SLC24A2: variants seen among roughly 807,000 people sequenced by gnomAD.
SLC24A2 encodes the protein sodium/potassium/calcium exchanger 2.
Under a neutral mutation model 62.0 loss-of-function variants are expected in SLC24A2, and 36 were observed. The observed-to-expected ratio is 0.58, with a 90% CI of 0.44 to 0.77. The LOEUF (loss-of-function observed/expected upper bound fraction) is 0.77. Among genes scored for constraint, SLC24A2 ranks in the 30% least tolerant of loss-of-function variants. SLC24A2 has a pLI of 0.00. For missense variants in SLC24A2, 846 were observed against 817.9 expected, an observed-to-expected ratio of 1.03 and a Z score of -0.42; for synonymous variants, 358 against 294.0, an observed-to-expected ratio of 1.22 and a Z score of -2.23.
chr9:20,188,868 A>T, the SLC24A2 span, among the ~76,000 whole-genome samples: 3 of 152,206 alleles, frequency 2.0e-5, no homozygotes, highest in African/African-American at 7.2e-5. Flanking sequence ...CAGAAATGTA[A>T]CAGGAAAAAT....
chr9:20,200,742 A>G, the SLC24A2 span, among the ~76,000 whole-genome samples: 3 of 152,230 alleles, frequency 2.0e-5, no homozygotes, highest in African/African-American at 7.2e-5. Flanking sequence ...TGTCCAAAGC[A>G]TTTGGCATTG....
chr9:19,577,617 G>T lies in SLC24A2; in HGVS notation c.1130-595C>A, dbSNP rs186246808. Among the ~76,000 whole-genome samples the T allele has an allele frequency of 5.3e-5, 8 of 152,206 alleles. No homozygotes were observed. In the East Asian group the frequency reaches 1.5e-3, roughly 29 times the overall value. On this transcript the variant is annotated intron_variant, in intron 5 of 10. Coordinates refer to ENST00000341998, the MANE Select transcript of SLC24A2 (RefSeq NM_020344.4). ...GCTTTCCAAATTAGCTGAGTCAGCT[G>T]CAATTAAGGCATTAAGAAGGCAACT... is the stretch of plus-strand genomic sequence containing the variant.
At chr9:19,929,945 A>G in the SLC24A2 span, 3 of 148,378 alleles carry the variant, frequency 2.0e-5, no homozygotes, top group Non-Finnish European at 2.9e-5. Context: ...AGGTTATAGA[A>G]TAACGATATA....
the SLC24A2 span, among the ~76,000 whole-genome samples, chr9:19,821,916 T>C: frequency 6.6e-6 from 1 of 152,116 alleles, no homozygotes; most frequent in African/African-American, 2.4e-5. Context: ...TTTGAAAATA[T>C]ACAGGACTGT....
the SLC24A2 span, among the ~76,000 whole-genome samples, chr9:20,208,534 G>C: frequency 6.6e-6 from 1 of 152,154 alleles, no homozygotes; most frequent in African/African-American, 2.4e-5. Context: ...CTCCATCAGT[G>C]CTTTTCCCAT....
chr9:20,137,130 AAC>A, the SLC24A2 span, among the ~76,000 whole-genome samples: 3 of 152,170 alleles, frequency 2.0e-5, no homozygotes, highest in African/African-American at 7.2e-5. Context: ...CACAAAGAGT[AAC>A]ACACATGTTT....
chr9:20,251,910 G>A, the SLC24A2 span, among the ~76,000 whole-genome samples: 5 of 152,164 alleles, frequency 3.3e-5, no homozygotes, highest in South Asian at 4.1e-4. Flanking sequence ...GAGGTAGAAC[G>A]GGATTGGCCT....
chr9:20,225,224 A>C, the SLC24A2 span, among the ~76,000 whole-genome samples: 1 of 152,132 alleles, frequency 6.6e-6, no homozygotes, highest in South Asian at 2.1e-4. Context: ...TATTTTTAGA[A>C]ATTTGAATGC....
chr9:20,188,293 T>G, the SLC24A2 span, among the ~76,000 whole-genome samples: 1 of 152,184 alleles, frequency 6.6e-6, no homozygotes, highest in Non-Finnish European at 1.5e-5. Flanking sequence ...ATCATGAGGT[T>G]TCCTTAGCTC....
chr9:20,078,979 T>C, the SLC24A2 span, among the ~76,000 whole-genome samples: 1 of 149,266 alleles, frequency 6.7e-6, no homozygotes, highest in African/African-American at 2.4e-5. Flanking sequence ...CTAAAAGAAA[T>C]GTTCGTATGC....
At chr9:19,680,499 A>ATTCTTTTTCTGGC (rs1819688457) in intron 2 of SLC24A2, among the ~76,000 whole-genome samples, 1 of 149,174 alleles carries the variant, frequency 6.7e-6, no homozygotes, top group Non-Finnish European at 1.5e-5. Context: ...GTTCAGCTGA[A>ATTCTTTTTCTGGC]AATCCGAGTT....
the SLC24A2 span, among the ~76,000 whole-genome samples, chr9:20,113,502 T>G: frequency 4.6e-5 from 7 of 152,218 alleles, no homozygotes; most frequent in African/African-American, 9.6e-5. Context: ...GATAAATATC[T>G]TGACATGCTG....
At chr9:19,703,745 T>C (rs1163625525) in intron 2 of SLC24A2, among the ~76,000 whole-genome samples, 1 of 152,184 alleles carries the variant, frequency 6.6e-6, no homozygotes, top group African/African-American at 2.4e-5. Context: ...CTTGGTTCAC[T>C]GCAGATAGGG....
chr9:19,775,382 A>G (rs1373732867), intron 2 of SLC24A2, among the ~76,000 whole-genome samples: 1 of 152,224 alleles, frequency 6.6e-6, no homozygotes, highest in Non-Finnish European at 1.5e-5. Flanking sequence ...CAAGCATATC[A>G]TGCTGTGATC....
the SLC24A2 span, among the ~76,000 whole-genome samples, chr9:20,113,064 G>A: frequency 6.6e-6 from 1 of 151,114 alleles, no homozygotes; most frequent in Admixed American, 6.6e-5. Flanking sequence ...CCTACCATGA[G>A]CTCCATCCTC....
intron 2 of SLC24A2, among the ~76,000 whole-genome samples, chr9:19,756,902 G>GTTTTTTTT (rs1564082907): frequency 2.4e-5 from 1 of 42,346 alleles, no homozygotes; most frequent in African/African-American, 6.5e-5. Context: ...TTTTACTGAA[G>GTTTTTTTT]CTTTTTTTTT....
At chr9:19,558,956 G>A (rs1233174500) in intron 7 of SLC24A2, among the ~76,000 whole-genome samples, 3 of 152,216 alleles carry the variant, frequency 2.0e-5, no homozygotes, top group Non-Finnish European at 4.4e-5. Context: ...GGTTGGAGAA[G>A]GGATCGAGAG....
the SLC24A2 span, among the ~76,000 whole-genome samples, chr9:20,167,860 C>T: frequency 6.6e-6 from 1 of 151,702 alleles, no homozygotes; most frequent in African/African-American, 2.4e-5. Context: ...TCTGGGATTA[C>T]AGCCATGAGC....
At chr9:19,892,901 A>G in the SLC24A2 span, among the ~76,000 whole-genome samples, 1 of 152,120 alleles carries the variant, frequency 6.6e-6, no homozygotes. Flanking sequence ...AATCTGCCTC[A>G]TTTGTCTAAC....
Sources: gnomAD v4.1 joint callset for allele counts (sites outside exome capture counted in the v4.1 genomes callset) on GRCh38, gnomAD v4.1.1 for gene constraint, MANE v1.5 for transcripts, NCBI Gene and HGNC (gene_info 2026-07-23, HGNC 2026-07-21) for gene names.